The following TENM4 variants were observed in gnomAD, a reference collection of about 807,000 sequenced individuals.
The protein encoded by TENM4 is teneurin-4.
Under a neutral mutation model 243.3 loss-of-function variants are expected in TENM4, and 82 were observed. The ratio of observed to expected loss-of-function variants is 0.34; its 90% confidence interval spans 0.28 to 0.40. The LOEUF (loss-of-function observed/expected upper bound fraction) is 0.40. Among genes scored for constraint, TENM4 ranks in the 10% least tolerant of loss-of-function variants. TENM4 has a pLI of 1.00. For missense variants in TENM4, 3,138 were observed against 3,673.3 expected, an observed-to-expected ratio of 0.85 and a Z score of 3.77; for synonymous variants, 1,412 against 1,456.3, an observed-to-expected ratio of 0.97 and a Z score of 0.69.
intron 17 of TENM4, among the ~76,000 whole-genome samples, chr11:78,776,930 C>CA (rs1220893243): frequency 1.3e-5 from 2 of 151,942 alleles, no homozygotes; most frequent in African/African-American, 4.8e-5. Flanking sequence ...TGGATAAAGT[C>CA]AGGAAATGCA....
intron 6 of TENM4, among the ~76,000 whole-genome samples, chr11:78,946,394 G>T (rs528206016): frequency 6.6e-6 from 1 of 152,290 alleles, no homozygotes; most frequent in East Asian, 1.9e-4. Context: ...GAGAGCTACT[G>T]CTCAGAAGAA....
At chr11:79,203,956 A>G (rs921230909) in intron 3 of TENM4, among the ~76,000 whole-genome samples, 11 of 152,244 alleles carry the variant, frequency 7.2e-5, no homozygotes, top group Non-Finnish European at 1.5e-4. Flanking sequence ...ACGCTAAGTG[A>G]AAGAAGCCAG....
At chr11:78,808,660 CA>C (rs1857437862) in intron 14 of TENM4, among the ~76,000 whole-genome samples, 1 of 152,056 alleles carries the variant, frequency 6.6e-6, no homozygotes, top group African/African-American at 2.4e-5. Context: ...TACATAAACA[CA>C]AAAAATGTCT....
chr11:78,895,263 G>T (rs1855765845), intron 7 of TENM4, among the ~76,000 whole-genome samples: 2 of 151,760 alleles, frequency 1.3e-5, no homozygotes, highest in African/African-American at 2.4e-5. Context: ...TTGGACCCAG[G>T]AGGCAGAGGT....
chr11:79,015,182 C>T (rs1858740406), intron 6 of TENM4, among the ~76,000 whole-genome samples: 1 of 152,222 alleles, frequency 6.6e-6, no homozygotes, highest in Non-Finnish European at 1.5e-5. Context: ...ATGGAATCCT[C>T]ACAACAACCA....
chr11:78,786,469 C>A (rs1311328943), intron 16 of TENM4, among the ~76,000 whole-genome samples: 1 of 152,228 alleles, frequency 6.6e-6, no homozygotes, highest in African/African-American at 2.4e-5. Context: ...CACTGTATGC[C>A]AGCCTTTGCT....
chr11:79,308,836 A>G (rs1310610879), intron 1 of TENM4, among the ~76,000 whole-genome samples: 1 of 152,188 alleles, frequency 6.6e-6, no homozygotes, highest in East Asian at 1.9e-4. Flanking sequence ...CACCCGTAAA[A>G]TGGGAATAAC....
chr11:79,184,218 C>A (rs976707846), intron 3 of TENM4, among the ~76,000 whole-genome samples: 1 of 152,156 alleles, frequency 6.6e-6, no homozygotes, highest in Non-Finnish European at 1.5e-5. Flanking sequence ...GGACCTAGAG[C>A]AGCAGCCCCC....
intron 6 of TENM4, among the ~76,000 whole-genome samples, chr11:79,009,776 C>T (rs1017828416): frequency 2.6e-5 from 4 of 152,154 alleles, no homozygotes; most frequent in Admixed American, 1.3e-4. Context: ...TCCTGCTTCC[C>T]AGTGTAAGCT....
chr11:79,173,259 ATAGT>A (rs1402399123), intron 3 of TENM4, among the ~76,000 whole-genome samples: 3 of 152,122 alleles, frequency 2.0e-5, no homozygotes, highest in Admixed American at 6.5e-5. Flanking sequence ...TTTATTCCTG[ATAGT>A]TATTTCCATG....
intron 18 of TENM4, among the ~76,000 whole-genome samples, chr11:78,768,205 G>A (rs975426817): frequency 2.6e-5 from 4 of 152,228 alleles, no homozygotes; most frequent in East Asian, 1.9e-4. Context: ...CTTGGCTCCC[G>A]CAGTGGGTGG....
At chr11:79,284,521 C>T (rs1462342486) in intron 2 of TENM4, among the ~76,000 whole-genome samples, 3 of 152,286 alleles carry the variant, frequency 2.0e-5, no homozygotes, top group East Asian at 3.9e-4. Flanking sequence ...AAGTTTGCTC[C>T]AGACCTCACA....
chr11:79,346,712 TCTC>T (rs1372196961), intron 1 of TENM4, among the ~76,000 whole-genome samples: 3 of 152,256 alleles, frequency 2.0e-5, no homozygotes, highest in Middle Eastern at 3.4e-3. Flanking sequence ...TCACTTTCCT[TCTC>T]CTGGTAACTT....
intron 32 of TENM4, among the ~76,000 whole-genome samples, chr11:78,664,882 G>T (rs1296500114): frequency 1.3e-5 from 2 of 152,204 alleles, no homozygotes; most frequent in Non-Finnish European, 2.9e-5. Flanking sequence ...TGAGAAGAGG[G>T]CTGGGCCTTA....
chr11:78,823,688 G>T (rs1857787871), intron 12 of TENM4, among the ~76,000 whole-genome samples: 1 of 152,106 alleles, frequency 6.6e-6, no homozygotes, highest in South Asian at 2.1e-4. Context: ...CCCCTGAGCT[G>T]CCCGGATTCC....
intron 9 of TENM4, among the ~76,000 whole-genome samples, chr11:78,875,033 G>GCTCA (rs1565417674): frequency 6.6e-6 from 1 of 152,172 alleles, no homozygotes; most frequent in Non-Finnish European, 1.5e-5. Flanking sequence ...AGGTGCTGTT[G>GCTCA]CTCAATAAGC....
chr11:78,888,356 A>G (rs544295228), intron 9 of TENM4, among the ~76,000 whole-genome samples: 30 of 152,358 alleles, frequency 2.0e-4, no homozygotes, highest in African/African-American at 6.5e-4. Context: ...CATGCATGCC[A>G]CCTTGGCCTT....
chr11:78,700,354 C>T (rs1028362650), intron 28 of TENM4, among the ~76,000 whole-genome samples: 2 of 152,158 alleles, frequency 1.3e-5, no homozygotes, highest in African/African-American at 4.8e-5. Flanking sequence ...GCCTTCAGAG[C>T]CTCAGTTTCT....
intron 9 of TENM4, among the ~76,000 whole-genome samples, chr11:78,867,448 T>C (rs1238861213): frequency 6.6e-6 from 1 of 152,204 alleles, no homozygotes; most frequent in Non-Finnish European, 1.5e-5. Context: ...ATTCTTTTAC[T>C]GTATTGTTAG....
Sources: gnomAD v4.1 joint callset for allele counts (sites outside exome capture counted in the v4.1 genomes callset) on GRCh38, gnomAD v4.1.1 for gene constraint, MANE v1.5 for transcripts, NCBI Gene and HGNC (gene_info 2026-07-23, HGNC 2026-07-21) for gene names.